The following FTO variants were observed in gnomAD, a reference collection of about 807,000 sequenced individuals.
FTO encodes the protein FTO alpha-ketoglutarate dependent dioxygenase.
Under a neutral mutation model 63.9 loss-of-function variants are expected in FTO, and 47 were observed. That is an observed-to-expected ratio of 0.74 (90% confidence interval 0.58 to 0.94). FTO has a LOEUF of 0.94. Ranked by LOEUF, FTO falls within the 40% of genes least tolerant of loss-of-function variation. The pLI, the probability that FTO is intolerant of heterozygous loss-of-function variation, is 0.00. For synonymous variants in FTO, 207 were observed against 224.4 expected (o/e 0.92, Z 0.69); for missense variants, 562 against 618.1 (o/e 0.91, Z 0.96).
intron 8 of FTO, among the ~76,000 whole-genome samples, chr16:54,082,994 G>A (rs543283603): frequency 6.6e-6 from 1 of 152,084 alleles, no homozygotes; most frequent in African/African-American, 2.4e-5. Context: ...TTTTCATTGT[G>A]ATTATGTTAC....
At chr16:54,042,095 T>C (rs762913767) in intron 8 of FTO, among the ~76,000 whole-genome samples, 2 of 152,056 alleles carry the variant, frequency 1.3e-5, no homozygotes, top group Admixed American at 6.5e-5. Context: ...AAGCTAAGAT[T>C]TGGAGGAGCC....
intron 8 of FTO, among the ~76,000 whole-genome samples, chr16:54,104,086 G>A (rs2086695274): frequency 6.6e-6 from 1 of 152,056 alleles, no homozygotes; most frequent in Non-Finnish European, 1.5e-5. Context: ...ACTCTGTATG[G>A]CAAGACATTT....
chr16:53,808,428 A>G (rs1343903743), intron 1 of FTO, among the ~76,000 whole-genome samples: 1 of 152,250 alleles, frequency 6.6e-6, no homozygotes, highest in Non-Finnish European at 1.5e-5. Context: ...CTTTGACTAA[A>G]TAAATATAAT....
At chr16:53,912,691 C>T (rs1038411116) in intron 7 of FTO, among the ~76,000 whole-genome samples, 2 of 152,176 alleles carry the variant, frequency 1.3e-5, no homozygotes, top group Non-Finnish European at 2.9e-5. Flanking sequence ...CGGTTCATTT[C>T]TGCTGGCCAT....
At chr16:53,744,324 A>C (rs981932842) in intron 1 of FTO, among the ~76,000 whole-genome samples, 3 of 152,260 alleles carry the variant, frequency 2.0e-5, no homozygotes, top group African/African-American at 7.2e-5. Flanking sequence ...GTTCTCTTTT[A>C]CCCAAATTTA....
chr16:53,847,249 G>T (rs2079649753), intron 4 of FTO, among the ~76,000 whole-genome samples: 1 of 152,178 alleles, frequency 6.6e-6, no homozygotes, highest in Admixed American at 6.5e-5. Flanking sequence ...GACATCCCAT[G>T]TCAGGCCAGC....
chr16:53,908,210 C>G (rs2081585533), intron 7 of FTO, among the ~76,000 whole-genome samples: 1 of 152,212 alleles, frequency 6.6e-6, no homozygotes. Flanking sequence ...GTCCTATTAT[C>G]TGCAATAAGA....
chr16:53,853,950 C>T (rs981809240), intron 4 of FTO, among the ~76,000 whole-genome samples: 1 of 152,064 alleles, frequency 6.6e-6, no homozygotes, highest in African/African-American at 2.4e-5. Context: ...AGTGTATAAG[C>T]ACTCCCTTTT....
In FTO at chr16:54,114,527, G is replaced by T. The variant is rs1348825348; in HGVS notation, c.*2612G>T. On this transcript the variant is annotated 3_prime_UTR_variant, in exon 9 of 9. Transcript: ENST00000471389. ...AGCCAGCTTCACTGTCCTGGGTGGGGCCCAGGTGGAATTAGTTCTCAAAGT... is the reference window on the plus strand; with the variant it reads ...AGCCAGCTTCACTGTCCTGGGTGGGTCCCAGGTGGAATTAGTTCTCAAAGT... The T allele has an allele frequency of 6.6e-6, 1 of 152,140 alleles. No homozygotes were observed. The highest frequency in any genetic ancestry group is 1.5e-5 in the Non-Finnish European group (1 of 68,032). The allele number at this position is 152,140 out of a possible 1,614,324, so 9.4% of individuals were successfully genotyped here.
At chr16:53,740,939 GGGTCAGCAAACTATT>G (rs2076515034) in intron 1 of FTO, among the ~76,000 whole-genome samples, 1 of 152,168 alleles carries the variant, frequency 6.6e-6, no homozygotes, top group Non-Finnish European at 1.5e-5. Flanking sequence ...CCTGTAACAG[GGGTCAGCAAACTATT>G]GTCTGTGGGC....
intron 8 of FTO, chr16:53,956,715 T>C (rs547362908): frequency 1.4e-4 from 22 of 151,820 alleles, no homozygotes; most frequent in African/African-American, 5.3e-4. Context: ...CAGGCTGGAG[T>C]GCAATGGCAC....
At chr16:53,841,588 T>A (rs1238631399) in intron 3 of FTO, among the ~76,000 whole-genome samples, 1 of 152,234 alleles carries the variant, frequency 6.6e-6, no homozygotes, top group Non-Finnish European at 1.5e-5. Context: ...ATTTTCACCA[T>A]GCCTAGTGCA....
intron 8 of FTO, among the ~76,000 whole-genome samples, chr16:53,952,356 C>T (rs557100051): frequency 6.6e-6 from 1 of 152,270 alleles, no homozygotes; most frequent in Admixed American, 6.5e-5. Context: ...TGGAAACATG[C>T]AACATAGCAT....
intron 4 of FTO, among the ~76,000 whole-genome samples, chr16:53,850,901 G>A (rs12444276): frequency 1.2e-4 from 18 of 151,682 alleles, no homozygotes; most frequent in African/African-American, 3.4e-4. Flanking sequence ...TTTTTTCTTC[G>A]TTTTGCAGCT....
intron 8 of FTO, among the ~76,000 whole-genome samples, chr16:54,013,912 C>T (rs559096943): frequency 3.9e-5 from 6 of 152,206 alleles, no homozygotes; most frequent in South Asian, 4.1e-4. Flanking sequence ...GCAATATTGT[C>T]AATGTGTGCC....
chr16:53,884,933 G>A (rs2080959879), intron 6 of FTO, among the ~76,000 whole-genome samples: 1 of 152,122 alleles, frequency 6.6e-6, no homozygotes, highest in Non-Finnish European at 1.5e-5. Flanking sequence ...ATGTTCCTTG[G>A]CCCCAAGTCA....
chr16:53,731,823 C>T (rs2076276720), intron 1 of FTO, among the ~76,000 whole-genome samples: 1 of 151,388 alleles, frequency 6.6e-6, no homozygotes, highest in Non-Finnish European at 1.5e-5. Flanking sequence ...TCTCGGCTCA[C>T]TGCAAGCTCC....
intron 7 of FTO, among the ~76,000 whole-genome samples, chr16:53,893,707 C>G (rs1459730690): frequency 6.6e-6 from 1 of 151,068 alleles, no homozygotes; most frequent in African/African-American, 2.4e-5. Context: ...TGGAAATATT[C>G]GACAATCGTT....
At chr16:53,930,218 C>CTTT (rs1305218044) in intron 7 of FTO, among the ~76,000 whole-genome samples, 2 of 110,806 alleles carry the variant, frequency 1.8e-5, no homozygotes, top group African/African-American at 7.6e-5. Context: ...TTATGATTAT[C>CTTT]TTCTTTTTTT....
Sources: allele counts gnomAD v4.1 joint callset (sites outside exome capture counted in the v4.1 genomes callset), GRCh38; gene constraint gnomAD v4.1.1; transcripts MANE v1.5; gene names NCBI Gene and HGNC (gene_info 2026-07-23, HGNC 2026-07-21).